The following EIF4E1B variants were observed in gnomAD, a reference collection of about 807,000 sequenced individuals.
EIF4E1B encodes eukaryotic translation initiation factor 4E type 1B.
In EIF4E1B, 22 loss-of-function variants were observed where a neutral mutation model predicts 31.3. That is an observed-to-expected ratio of 0.70 (90% confidence interval 0.50 to 1.00). The LOEUF (loss-of-function observed/expected upper bound fraction) is 1.00. EIF4E1B is among the 50% of genes least tolerant of loss of function. The pLI is 0.00. For missense variants in EIF4E1B, 290 were observed against 311.6 expected, an observed-to-expected ratio of 0.93 and a Z score of 0.52; for synonymous variants, 126 against 120.2, an observed-to-expected ratio of 1.05 and a Z score of -0.31.
chr5:176,642,861 C>CTTCCCG, intron 3 of EIF4E1B, 59 bp downstream of exon 3: 5 of 1,123,516 alleles, frequency 4.5e-6, no homozygotes, highest in Non-Finnish European at 3.5e-6. Context: ...TCCCCCCCCC[C>CTTCCCG]CCCCGCCCCA....
chr5:176,642,701 T>C lies in EIF4E1B; in HGVS notation c.-78-9T>C. The C allele has an allele frequency of 6.5e-7, 1 of 1,538,404 alleles. No homozygotes were observed. Among genetic ancestry groups the C allele is most frequent in the South Asian group, 1.2e-5 (1 of 82,846 alleles). On this transcript the variant is annotated splice_polypyrimidine_tract_variant and intron_variant, in intron 2 of 8. Transcript: ENST00000318682. Reference sequence around the variant, plus strand: ...CGAGCAGGCTCCAAATATTGACGCTTACCTTCAGGTCTTGGCCCCCATGGT... The same window carrying C: ...CGAGCAGGCTCCAAATATTGACGCTCACCTTCAGGTCTTGGCCCCCATGGT...
At chr5:176,644,492 T>A in intron 6 of EIF4E1B, 53 bp downstream of exon 6, 1 of 1,121,940 alleles carries the variant, frequency 8.9e-7, no homozygotes, top group South Asian at 1.4e-5. Flanking sequence ...GGTTGATCCC[T>A]CCCGGACTCC....
At position 176,643,076 on chromosome 5, in the gene EIF4E1B, G is replaced by A. The variant is rs758121713; in HGVS notation, c.16-6G>A. Reference sequence around the variant, plus strand: ...CAACCCATCCTGACTCCTTTTTTTGGCTCAGGTGAGTGAAGCTGAGGGTGG... The same window carrying A: ...CAACCCATCCTGACTCCTTTTTTTGACTCAGGTGAGTGAAGCTGAGGGTGG... On this transcript the variant is annotated splice_region_variant and splice_polypyrimidine_tract_variant and intron_variant, in intron 3 of 8. Coordinates refer to ENST00000318682, the MANE Select transcript of EIF4E1B (RefSeq NM_001099408.2). 5 of 1,603,104 alleles carry A rather than the reference G, an allele frequency of 3.1e-6. No individual in the cohort carries two copies. The highest frequency in any genetic ancestry group is 1.1e-5 in the South Asian group (1 of 89,624).
chr5:176,640,215 C>T (rs1273642748), intron 1 of EIF4E1B, among the ~76,000 whole-genome samples: 5 of 152,324 alleles, frequency 3.3e-5, no homozygotes, highest in South Asian at 2.1e-4. Context: ...GGAGAGGCCA[C>T]GCAGTGCCAT....
intron 1 of EIF4E1B, among the ~76,000 whole-genome samples, chr5:176,639,221 C>A (rs1292396770): frequency 6.6e-6 from 1 of 152,230 alleles, no homozygotes; most frequent in Non-Finnish European, 1.5e-5. Context: ...AGGAAATACA[C>A]AGCAGCCAAG....
chr5:176,640,390 G>A (rs534434679), intron 1 of EIF4E1B, among the ~76,000 whole-genome samples: 1 of 152,346 alleles, frequency 6.6e-6, no homozygotes, highest in East Asian at 1.9e-4. Context: ...TTGCACGCTT[G>A]TGAGCATAAT....
In EIF4E1B at chr5:176,645,240, G is replaced by C; in HGVS notation, c.471G>C (p.Glu157Asp). 1 of 1,598,058 alleles carries C rather than the reference G, an allele frequency of 6.3e-7. No homozygotes were observed. Among genetic ancestry groups the C allele is most frequent in the Non-Finnish European group, 8.5e-7 (1 of 1,172,750 alleles). The change falls in exon 7 of 9, where the codon GAG becomes GAC. Residue 157 changes from glutamate to aspartate, a missense_variant. Physicochemically the swap from Glu to Asp is conservative, Grantham distance 45. Transcript: ENST00000318682. The surrounding 1 kb of genome is among the most constrained non-coding windows in gnomAD (Gnocchi z 5.4). ...TTGAGCTGGACCGGCTGTGGCTGGA[G>C]ACGGTGAGTTGGAGGAGGAGGGTCC... ...RHIELDRLWL[E>D]TLLCLIGESF...
chr5:176,635,918 G>A (rs1244424811), intron 1 of EIF4E1B, among the ~76,000 whole-genome samples: 1 of 152,092 alleles, frequency 6.6e-6, no homozygotes, highest in East Asian at 1.9e-4. Flanking sequence ...CCGGGTTCAA[G>A]CTATTCTCTT....
In EIF4E1B at chr5:176,638,101, C is replaced by T. The variant is rs1361239904; in HGVS notation, c.-201-3942C>T. On this transcript the variant is annotated intron_variant, in intron 1 of 8. Transcript: ENST00000318682. This position sits in a 1 kb window ranked among gnomAD's most constrained non-coding sequence, Gnocchi z 4.3. ...GACGGTTGGAAGAACAAGTCTGGAG[C>T]GGGGCAGAGGAGGTGTCAGGAATTC... 6.6e-6 allele frequency among the ~76,000 whole-genome samples: 1 copy of T among 152,154 alleles called. No homozygotes were observed.
In EIF4E1B at chr5:176,642,712, C is replaced by T. The variant is rs772941013; in HGVS notation, c.-76C>T. On this transcript the variant is annotated splice_region_variant and 5_prime_UTR_variant, in exon 3 of 9. Transcript: ENST00000318682. ...CAAATATTGACGCTTACCTTCAGGTCTTGGCCCCCATGGTGTGGGGCTTGG... is the reference window on the plus strand; with the variant it reads ...CAAATATTGACGCTTACCTTCAGGTTTTGGCCCCCATGGTGTGGGGCTTGG... The T allele has an allele frequency of 5.1e-4, 788 of 1,547,050 alleles. 1 individual carries two copies. The highest frequency in any genetic ancestry group is 2.1e-3 in the Admixed American group (103 of 50,136).
At chr5:176,643,323 C>T in intron 4 of EIF4E1B, 57 bp downstream of exon 4, 7 of 1,557,262 alleles carry the variant, frequency 4.5e-6, no homozygotes, top group Non-Finnish European at 5.2e-6. Context: ...AGCCTCTGTG[C>T]TGGCAGCGTG....
At chr5:176,644,299 T>C (rs1760652475) in intron 5 of EIF4E1B, 77 bp from the exon 6 acceptor site, 13 of 1,457,524 alleles carry the variant, frequency 8.9e-6, no homozygotes, top group African/African-American at 1.4e-5. Flanking sequence ...GGATGAGGAG[T>C]TGGGAGGGCT....
In EIF4E1B at chr5:176,644,379, A is replaced by G. The variant is rs1313011595; in HGVS notation, c.300A>G (p.Leu100=). ...TGGGGTCGGGGGCTCTGTCCAGGCTATACAGTCACATCCAGCTGGCCAGCA... is the reference window on the plus strand; with the variant it reads ...TGGGGTCGGGGGCTCTGTCCAGGCTGTACAGTCACATCCAGCTGGCCAGCA... ...KVDTVEDFWA[L]YSHIQLASKL... Residue 100 remains leucine (L), a synonymous_variant, in exon 6 of 9, where the codon CTA becomes CTG. Coordinates refer to ENST00000318682, the MANE Select transcript of EIF4E1B (RefSeq NM_001099408.2). 1 of 1,589,258 alleles carries G rather than the reference A, an allele frequency of 6.3e-7. No individual in the cohort carries two copies.
At chr5:176,639,738 C>G (rs1760545910) in intron 1 of EIF4E1B, among the ~76,000 whole-genome samples, 1 of 152,026 alleles carries the variant, frequency 6.6e-6, no homozygotes, top group African/African-American at 2.4e-5. Context: ...GTCTAGGCCA[C>G]ATATTGAGAC....
intron 1 of EIF4E1B, among the ~76,000 whole-genome samples, chr5:176,639,197 G>GC (rs1454329800): frequency 1.3e-5 from 2 of 152,238 alleles, no homozygotes; most frequent in African/African-American, 4.8e-5. Context: ...AGGAGTGGAA[G>GC]CAAGTGGAGT....
intron 1 of EIF4E1B, among the ~76,000 whole-genome samples, chr5:176,633,147 G>A (rs1450897102): frequency 6.6e-6 from 1 of 152,208 alleles, no homozygotes; most frequent in African/African-American, 2.4e-5. Context: ...CATCATTTCA[G>A]GCTGTGTGGT....
intron 5 of EIF4E1B, 34 bp downstream of exon 5, chr5:176,643,768 G>GGGGCTCT: frequency 2.5e-6 from 4 of 1,590,798 alleles, no homozygotes; most frequent in Non-Finnish European, 3.4e-6. Flanking sequence ...CTAGAGTTGG[G>GGGGCTCT]GGGCTCTGAG....
Position 176,646,050 on chromosome 5 carries a change from G to C in EIF4E1B, c.*70G>C. On this transcript the variant is annotated 3_prime_UTR_variant, in exon 9 of 9. Coordinates refer to ENST00000318682, the MANE Select transcript of EIF4E1B (RefSeq NM_001099408.2). The stretch of plus-strand genomic sequence containing the variant: ...GAGCCTCATTACTTTGGGGGATGGG[G>C]CGGGACTGGGGATCAGACAGCCTAG... The C allele has an allele frequency of 1.5e-6, 2 of 1,363,160 alleles. No homozygotes were observed. The highest frequency in any genetic ancestry group is 2.5e-5 in the South Asian group (2 of 79,780). The allele number at this position is 1,363,160 out of a possible 1,614,324, so 84.4% of individuals were successfully genotyped here.
intron 5 of EIF4E1B, 135 bp downstream of exon 5, chr5:176,643,869 G>A: frequency 1.1e-6 from 1 of 887,024 alleles, no homozygotes; most frequent in East Asian, 2.7e-5. Flanking sequence ...CTGCCCAGGG[G>A]GTATAGGGCA....
Sources: gnomAD v4.1 joint callset for allele counts (sites outside exome capture counted in the v4.1 genomes callset) on GRCh38, gnomAD v4.1.1 for gene constraint, Gnocchi (gnomAD v3.1) non-coding constraint, MANE v1.5 for transcripts, NCBI Gene and HGNC (gene_info 2026-07-23, HGNC 2026-07-21) for gene names.